The following RAD51B variants were observed in gnomAD, a reference collection of about 807,000 sequenced individuals.
The protein encoded by RAD51B is RAD51 paralog B.
Under a neutral mutation model 42.2 loss-of-function variants are expected in RAD51B, and 38 were observed. That is an observed-to-expected ratio of 0.90 (90% CI 0.70 to 1.18). The LOEUF (loss-of-function observed/expected upper bound fraction) is 1.18, where lower values mean the gene tolerates loss of function less well. RAD51B is among the 50% of genes most tolerant of loss of function. RAD51B has a pLI of 0.00. For missense variants in RAD51B, 373 were observed against 400.7 expected (o/e 0.93, Z 0.59); for synonymous variants, 154 against 145.2 (o/e 1.06, Z -0.43).
chr14:68,671,605 A>T (rs1286525158), intron 11 of RAD51B, among the ~76,000 whole-genome samples: 1 of 152,014 alleles, frequency 6.6e-6, no homozygotes, highest in Non-Finnish European at 1.5e-5. Flanking sequence ...TGGAGTTAAC[A>T]TTGCCCCTCC....
chr14:68,089,818 G>C (rs1305271135), intron 7 of RAD51B, among the ~76,000 whole-genome samples: 1 of 152,162 alleles, frequency 6.6e-6, no homozygotes, highest in Non-Finnish European at 1.5e-5. Flanking sequence ...TCTTGTAAGA[G>C]ATGTAGGCAG....
intron 7 of RAD51B, among the ~76,000 whole-genome samples, chr14:67,940,617 A>T (rs2045166996): frequency 6.6e-6 from 1 of 152,050 alleles, no homozygotes; most frequent in African/African-American, 2.4e-5. Context: ...ATGTCAAAGG[A>T]TTCTGTCTGG....
Position 67,899,878 on chromosome 14 carries a change from G to C in RAD51B, c.756+12674G>C, listed in dbSNP as rs139500865. Among the ~76,000 whole-genome samples the C allele has an allele frequency of 7.9e-5, 12 of 152,302 alleles. No individual in the cohort carries two copies. The East Asian group carries it at 2.3e-3, about 29-fold the overall frequency. On this transcript the variant is annotated intron_variant, in intron 7 of 10. Transcript: ENST00000471583. ...TTAAATAACTTTACCAGAGTCACTT[G>C]GCTAGTAAGTGGAAGGGCTTGAGTT... is the stretch of plus-strand genomic sequence containing the variant.
intron 7 of RAD51B, among the ~76,000 whole-genome samples, chr14:68,166,633 T>C (rs561607615): frequency 6.6e-6 from 1 of 152,166 alleles, no homozygotes; most frequent in South Asian, 2.1e-4. Context: ...GGGAAGAGAG[T>C]GTAAGAAAAG....
chr14:67,893,507 C>CA (rs1380063620), intron 7 of RAD51B, among the ~76,000 whole-genome samples: 163 of 75,368 alleles, frequency 2.2e-3, no homozygotes, highest in African/African-American at 8.7e-3. Flanking sequence ...CACACACACA[C>CA]ACAAAAAAAA....
chr14:68,014,023 G>C (rs531155439), intron 7 of RAD51B, among the ~76,000 whole-genome samples: 1 of 152,006 alleles, frequency 6.6e-6, no homozygotes, highest in Admixed American at 6.5e-5. Flanking sequence ...ACAATATCTT[G>C]GTCTTGTTGT....
chr14:68,546,128 A>C (rs1888220591), intron 10 of RAD51B, among the ~76,000 whole-genome samples: 1 of 152,200 alleles, frequency 6.6e-6, no homozygotes, highest in South Asian at 2.1e-4. Flanking sequence ...CAAATATTTT[A>C]CTTACTGAAT....
intron 3 of RAD51B, among the ~76,000 whole-genome samples, chr14:67,827,421 T>C (rs2040870896): frequency 6.6e-6 from 1 of 152,124 alleles, no homozygotes; most frequent in South Asian, 2.1e-4. Context: ...TTCATTCTTG[T>C]AGCATTCCTT....
chr14:68,172,759 G>A (rs2078897179), intron 7 of RAD51B, among the ~76,000 whole-genome samples: 1 of 152,050 alleles, frequency 6.6e-6, no homozygotes, highest in Admixed American at 6.6e-5. Context: ...TTTGTGCTTG[G>A]CTGGGTAACT....
chr14:68,660,481 G>C (rs1892909951), intron 11 of RAD51B, among the ~76,000 whole-genome samples: 1 of 152,192 alleles, frequency 6.6e-6, no homozygotes, highest in African/African-American at 2.4e-5. Context: ...TAAACATTCT[G>C]ATGGATTCAG....
chr14:67,891,244 T>C (rs1419955349), intron 7 of RAD51B, among the ~76,000 whole-genome samples: 1 of 152,162 alleles, frequency 6.6e-6, no homozygotes, highest in African/African-American at 2.4e-5. Context: ...TTTGGATATA[T>C]TATTAAATAT....
At chr14:68,354,894 G>A (rs373120282) in intron 8 of RAD51B, among the ~76,000 whole-genome samples, 3 of 152,046 alleles carry the variant, frequency 2.0e-5, no homozygotes, top group East Asian at 1.9e-4. Flanking sequence ...AAGCTCTGAG[G>A]TCTGAAATGC....
intron 8 of RAD51B, among the ~76,000 whole-genome samples, chr14:68,400,568 T>C (rs1266576431): frequency 6.6e-6 from 1 of 152,216 alleles, no homozygotes; most frequent in East Asian, 1.9e-4. Flanking sequence ...CTGCTGCCTC[T>C]GACTCTACAA....
At chr14:68,203,281 A>G (rs917642500) in intron 7 of RAD51B, among the ~76,000 whole-genome samples, 8 of 152,222 alleles carry the variant, frequency 5.3e-5, no homozygotes, top group Admixed American at 3.9e-4. Context: ...AGAATCAGGC[A>G]TGAAAACAAC....
intron 10 of RAD51B, chr14:68,540,285 G>A (rs942722892): frequency 9.7e-7 from 1 of 1,034,486 alleles, no homozygotes; most frequent in Non-Finnish European, 1.2e-6. Flanking sequence ...AAGAGCCTAG[G>A]ACTCTACTGC....
At chr14:68,459,707 C>T (rs2085795291) in intron 9 of RAD51B, among the ~76,000 whole-genome samples, 1 of 152,192 alleles carries the variant, frequency 6.6e-6, no homozygotes, top group African/African-American at 2.4e-5. Context: ...TATTGGGGAG[C>T]TATCTACTTC....
chr14:68,595,235 T>C, exon 11 of RAD51B: 16 of 1,060,488 alleles, frequency 1.5e-5, no homozygotes, highest in Non-Finnish European at 1.8e-5. Flanking sequence ...TAAAAATGAT[T>C]CACCCTGGAA....
At chr14:68,166,168 C>CTTTTTTT (rs71129871) in intron 7 of RAD51B, among the ~76,000 whole-genome samples, 4 of 132,002 alleles carry the variant, frequency 3.0e-5, no homozygotes, top group Non-Finnish European at 6.4e-5. Context: ...TATTTCTGCT[C>CTTTTTTT]TTTTTTTTTT....
intron 7 of RAD51B, among the ~76,000 whole-genome samples, chr14:68,238,868 T>C (rs1202898639): frequency 3.9e-5 from 6 of 152,216 alleles, no homozygotes; most frequent in Admixed American, 2.6e-4. Flanking sequence ...CAAGATGTGT[T>C]GCTCTTCTTA....
Sources: gnomAD v4.1 joint callset for allele counts (sites outside exome capture counted in the v4.1 genomes callset) on GRCh38, gnomAD v4.1.1 for gene constraint, MANE v1.5 for transcripts, NCBI Gene and HGNC (gene_info 2026-07-23, HGNC 2026-07-21) for gene names.